Variants in GRID1 observed in about 807,000 individuals in gnomAD.
GRID1 encodes glutamate receptor ionotropic, delta-1.
A neutral mutation model predicts 98.0 loss-of-function variants in GRID1; 28 were observed. That is an observed-to-expected ratio of 0.29 (90% CI 0.21 to 0.39). The LOEUF (loss-of-function observed/expected upper bound fraction) is 0.39. Among genes scored for constraint, GRID1 ranks in the 10% least tolerant of loss-of-function variants. The pLI is 1.00. For synonymous variants in GRID1, 553 were observed against 538.5 expected (o/e 1.03, Z -0.37); for missense variants, 1,111 against 1,340.5 (o/e 0.83, Z 2.67).
At chr10:86,177,217 A>G (rs1050003347) in intron 3 of GRID1, among the ~76,000 whole-genome samples, 11 of 152,050 alleles carry the variant, frequency 7.2e-5, no homozygotes, top group Non-Finnish European at 1.5e-5. Context: ...CTGAGAACTT[A>G]CTTGCCTTTA....
chr10:86,055,836 T>C (rs188320868), intron 4 of GRID1, among the ~76,000 whole-genome samples: 1 of 152,194 alleles, frequency 6.6e-6, no homozygotes, highest in African/African-American at 2.4e-5. Flanking sequence ...TCTCTCTCTC[T>C]CTCATGTGAG....
intron 4 of GRID1, among the ~76,000 whole-genome samples, chr10:86,067,957 T>C (rs890235945): frequency 6.6e-6 from 1 of 152,222 alleles, no homozygotes; most frequent in Non-Finnish European, 1.5e-5. Flanking sequence ...AAATCACTTC[T>C]GCAATGCCAG....
intron 4 of GRID1, among the ~76,000 whole-genome samples, chr10:85,962,785 C>T (rs994081325): frequency 2.0e-5 from 3 of 152,158 alleles, no homozygotes; most frequent in African/African-American, 4.8e-5. Flanking sequence ...CTCAGTACTA[C>T]CCTTCCAGAT....
intron 8 of GRID1, among the ~76,000 whole-genome samples, chr10:85,738,782 A>G (rs1841911639): frequency 6.6e-6 from 1 of 152,230 alleles, no homozygotes; most frequent in Non-Finnish European, 1.5e-5. Flanking sequence ...TTAATATGGC[A>G]TTCTCGCAAA....
At chr10:85,978,467 C>CATT (rs1255846915) in intron 4 of GRID1, among the ~76,000 whole-genome samples, 1 of 152,198 alleles carries the variant, frequency 6.6e-6, no homozygotes, top group Non-Finnish European at 1.5e-5. Flanking sequence ...CAAACCTAAG[C>CATT]ATTAATGGAC....
At chr10:86,093,708 A>G (rs1349805543) in intron 4 of GRID1, among the ~76,000 whole-genome samples, 2 of 151,948 alleles carry the variant, frequency 1.3e-5, no homozygotes, top group Non-Finnish European at 2.9e-5. Context: ...AAATGGTAAA[A>G]ATTACCAACA....
intron 4 of GRID1, among the ~76,000 whole-genome samples, chr10:85,967,433 C>T (rs1426537856): frequency 5.3e-5 from 8 of 152,104 alleles, no homozygotes; most frequent in Admixed American, 5.2e-4. Context: ...CTAAAGTGTT[C>T]AGTTTTCAAC....
chr10:85,694,546 GTGTGTATATATATATATATATA>G (rs1284818980), intron 12 of GRID1, among the ~76,000 whole-genome samples: 1 of 78,126 alleles, frequency 1.3e-5, no homozygotes, highest in African/African-American at 4.8e-5. Flanking sequence ...AGAAAATGTG[GTGTGTATATATATATATATATA>G]TATATATATA....
intron 2 of GRID1, among the ~76,000 whole-genome samples, chr10:86,208,495 A>G (rs137934515): frequency 0.014 from 2,185 of 151,912 alleles, 57 homozygotes; most frequent in African/African-American, 0.05. Context: ...CATGCTCCTC[A>G]CCACACCCTT....
At chr10:85,765,955 C>G (rs1283446262) in intron 8 of GRID1, among the ~76,000 whole-genome samples, 2 of 152,204 alleles carry the variant, frequency 1.3e-5, no homozygotes, top group Non-Finnish European at 2.9e-5. Flanking sequence ...AAACATATTG[C>G]TGGCTGCCAG....
At chr10:86,230,113 A>C (rs538939821) in intron 2 of GRID1, among the ~76,000 whole-genome samples, 3 of 152,254 alleles carry the variant, frequency 2.0e-5, no homozygotes, top group South Asian at 4.1e-4. Flanking sequence ...CCTCCTGCCT[A>C]TGGTGACCAG....
intron 2 of GRID1, among the ~76,000 whole-genome samples, chr10:86,355,385 G>T (rs1848520551): frequency 6.6e-6 from 1 of 152,254 alleles, no homozygotes; most frequent in Non-Finnish European, 1.5e-5. Flanking sequence ...GAGCCCAGCT[G>T]CCTCATCTAG....
chr10:85,895,016 A>ATATATATATATATATAT (rs1554838331), intron 5 of GRID1, among the ~76,000 whole-genome samples: 1 of 97,104 alleles, frequency 1.0e-5, no homozygotes, highest in Non-Finnish European at 2.1e-5. Context: ...AAAAAAAAAA[A>ATATATATATATATATAT]ATATATATAT....
intron 13 of GRID1, among the ~76,000 whole-genome samples, chr10:85,624,704 T>C (rs903486285): frequency 6.6e-6 from 1 of 152,220 alleles, no homozygotes; most frequent in Non-Finnish European, 1.5e-5. Flanking sequence ...TAATCCTTCA[T>C]GGCTACCGGC....
intron 4 of GRID1, among the ~76,000 whole-genome samples, chr10:86,050,680 A>G (rs1000617133): frequency 6.6e-6 from 1 of 152,178 alleles, no homozygotes; most frequent in Non-Finnish European, 1.5e-5. Context: ...TAGCAGCAAA[A>G]AAGTGCAAAA....
intron 3 of GRID1, among the ~76,000 whole-genome samples, chr10:86,205,195 A>G (rs1846008499): frequency 6.6e-6 from 1 of 152,256 alleles, no homozygotes; most frequent in African/African-American, 2.4e-5. Flanking sequence ...GCAAATGCAA[A>G]CATATGCTGA....
At chr10:86,023,205 A>G (rs7085257) in intron 4 of GRID1, among the ~76,000 whole-genome samples, 138,604 of 152,162 alleles carry the variant, frequency 0.91, 63,274 homozygotes, top group East Asian at 0.97. Flanking sequence ...GCCCCTTTCC[A>G]CACTAAGATC....
Position 85,903,814 on chromosome 10 carries a change from T to C in GRID1, c.780+12372A>G, listed in dbSNP as rs115683114. ...ACTCAGAGACTTCACACCTGTTCTC[T>C]CCTTCAACTGGAATGCTCTTCCTCC... is the stretch of plus-strand genomic sequence containing the variant. On this transcript the variant is annotated intron_variant, in intron 5 of 15. Transcript: ENST00000327946. Among the ~76,000 whole-genome samples the C allele has an allele frequency of 2.0e-3, 308 of 152,294 alleles. 4 individuals carry two copies. Among genetic ancestry groups the C allele is most frequent in the African/African-American group, 7.0e-3 (293 of 41,566 alleles).
Position 85,829,261 on chromosome 10 carries a change from T to C in GRID1, c.1233+25235A>G, listed in dbSNP as rs567267062. ...TTTGATAAAATGGAACATTCCTTAA[T>C]GTTAAAAACCCTCAACAAACTAGGC... On this transcript the variant is annotated intron_variant, in intron 8 of 15. Transcript: ENST00000327946. 2.6e-5 allele frequency among the ~76,000 whole-genome samples: 4 copies of C among 152,132 alleles called. No individual in the cohort carries two copies. In the South Asian group the frequency reaches 6.2e-4, roughly 24 times the overall value.
Sources: allele counts gnomAD v4.1 joint callset (sites outside exome capture counted in the v4.1 genomes callset), GRCh38; gene constraint gnomAD v4.1.1; transcripts MANE v1.5; gene names NCBI Gene and HGNC (gene_info 2026-07-23, HGNC 2026-07-21).